ZDHHC11B: variants seen among roughly 807,000 people sequenced by gnomAD.
ZDHHC11B encodes probable palmitoyltransferase ZDHHC11B.
In ZDHHC11B, 17 loss-of-function variants were observed where a neutral mutation model predicts 42.3. That is an observed-to-expected ratio of 0.40 (90% CI 0.27 to 0.60). The LOEUF (loss-of-function observed/expected upper bound fraction) is 0.60. Ranked by LOEUF, ZDHHC11B falls within the 20% of genes least tolerant of loss-of-function variation. ZDHHC11B has a pLI of 0.41. For missense variants in ZDHHC11B, 262 were observed against 463.2 expected (o/e 0.57, Z 3.99); for synonymous variants, 123 against 193.5 (o/e 0.64, Z 3.02).
chr5:749,648 C>T lies in ZDHHC11B; in HGVS notation c.629-1089G>A, dbSNP rs1289734079. On this transcript the variant is annotated intron_variant, in intron 7 of 13. Coordinates refer to ENST00000508859, the MANE Select transcript of ZDHHC11B (RefSeq NM_001351303.2). ...ATCTGGAACAGCAAACGGAGGAATT[C>T]GCTCAGGCCACAATCAATGAACTCA... is the stretch of plus-strand genomic sequence containing the variant. Among the ~76,000 whole-genome samples the T allele has an allele frequency of 6.2e-5, 8 of 129,988 alleles. 1 individual carries two copies. The highest frequency in any genetic ancestry group is 1.0e-4 in the Non-Finnish European group (6 of 58,470). 85.3% of individuals were successfully genotyped at this position (129,988 alleles called of 152,430 possible).
chr5:773,041 C>A (rs1423630797), intron 1 of ZDHHC11B, among the ~76,000 whole-genome samples: 8 of 151,986 alleles, frequency 5.3e-5, no homozygotes, highest in African/African-American at 1.9e-4. Flanking sequence ...GCCACACACA[C>A]AGATCAGGAG....
intron 9 of ZDHHC11B, among the ~76,000 whole-genome samples, chr5:742,983 C>T (rs1288033185): frequency 6.7e-6 from 1 of 149,764 alleles, no homozygotes; most frequent in Non-Finnish European, 1.5e-5. Context: ...GTTTAGGTGT[C>T]AGATGGATTT....
Position 775,288 on chromosome 5 carries a change from C to T in ZDHHC11B, c.-229-6358G>A, listed in dbSNP as rs1736381293. On this transcript the variant is annotated intron_variant, in intron 1 of 13. Transcript: ENST00000508859. Reference sequence around the variant, plus strand: ...TGCACCCGCTGACCCCCAGAGCTCGCTCCCAGGCAGGTGCCCATGGTGGGA... The same window carrying T: ...TGCACCCGCTGACCCCCAGAGCTCGTTCCCAGGCAGGTGCCCATGGTGGGA... 1.3e-5 allele frequency among the ~76,000 whole-genome samples: 2 copies of T among 151,946 alleles called. 1 individual carries two copies. Among genetic ancestry groups the T allele is most frequent in the Admixed American group, 1.3e-4 (2 of 15,234 alleles).
At chr5:736,608 T>G (rs1743548130) in intron 10 of ZDHHC11B, among the ~76,000 whole-genome samples, 1 of 144,190 alleles carries the variant, frequency 6.9e-6, no homozygotes, top group Non-Finnish European at 1.5e-5. Flanking sequence ...AAGTCAGAAT[T>G]ACATCAAGTA....
intron 10 of ZDHHC11B, among the ~76,000 whole-genome samples, chr5:739,205 C>A (rs1311005396): frequency 6.6e-6 from 1 of 150,734 alleles, no homozygotes; most frequent in East Asian, 2.0e-4. Flanking sequence ...TCAAGACCAG[C>A]CTGGCCAACA....
intron 1 of ZDHHC11B, among the ~76,000 whole-genome samples, chr5:783,544 A>C (rs1737013076): frequency 6.6e-6 from 1 of 152,264 alleles, no homozygotes; most frequent in African/African-American, 2.4e-5. Context: ...GGGGCCCTGC[A>C]CGCAGAAGAG....
At chr5:716,048 T>A (rs1211842138) in intron 13 of ZDHHC11B, among the ~76,000 whole-genome samples, 2 of 150,548 alleles carry the variant, frequency 1.3e-5, no homozygotes, top group Non-Finnish European at 3.0e-5. Context: ...AGAAGGCAGG[T>A]ACTGAACGGT....
chr5:757,831 G>A (rs1350746090), intron 4 of ZDHHC11B, among the ~76,000 whole-genome samples: 1 of 151,850 alleles, frequency 6.6e-6, no homozygotes, highest in African/African-American at 2.4e-5. Context: ...CCGGGGTGTG[G>A]TGGGAGCTAG....
rs1358931515 is a variant in ZDHHC11B at position 736,273 on chromosome 5, A to T, written c.936-2434T>A. 2.0e-5 allele frequency among the ~76,000 whole-genome samples: 3 copies of T among 149,984 alleles called. 1 individual carries two copies. The highest frequency in any genetic ancestry group is 4.1e-4 in the East Asian group (2 of 4,926). On this transcript the variant is annotated intron_variant, in intron 10 of 13. Transcript: ENST00000508859. ...ATCACTCCAAAAGGAAAAATATCAC[A>T]ATCCTAACTATATATGCACCTAACG...
At chr5:734,067 G>C (rs1743316929) in intron 10 of ZDHHC11B, among the ~76,000 whole-genome samples, 1 of 144,598 alleles carries the variant, frequency 6.9e-6, no homozygotes, top group African/African-American at 2.7e-5. Context: ...TTTGCCACTG[G>C]GACAATGCAA....
intron 1 of ZDHHC11B, among the ~76,000 whole-genome samples, chr5:770,618 C>T (rs1439190800): frequency 6.6e-6 from 1 of 152,028 alleles, no homozygotes; most frequent in African/African-American, 2.4e-5. Context: ...CCACAGCAGT[C>T]GTGCGACAGC....
In ZDHHC11B at chr5:711,393, T is replaced by G. The variant is rs1429922957; in HGVS notation, c.*897A>C. Reference sequence around the variant, plus strand: ...AGTGCTGTGAGCTCCCATTTCCTAGTACTGTGCTCCCATTTCCCAGTGCTG... The same window carrying G: ...AGTGCTGTGAGCTCCCATTTCCTAGGACTGTGCTCCCATTTCCCAGTGCTG... On this transcript the variant is annotated 3_prime_UTR_variant, in exon 14 of 14. Coordinates refer to ENST00000508859, the MANE Select transcript of ZDHHC11B (RefSeq NM_001351303.2). 1 of 146,666 alleles carries G rather than the reference T, an allele frequency of 6.8e-6. No individual in the cohort carries two copies. Among genetic ancestry groups the G allele is most frequent in the East Asian group, 2.2e-4 (1 of 4,512 alleles). 9.1% of individuals were successfully genotyped at this position (146,666 alleles called of 1,614,324 possible).
At chr5:715,141 T>G (rs1741655355) in intron 13 of ZDHHC11B, among the ~76,000 whole-genome samples, 2 of 150,644 alleles carry the variant, frequency 1.3e-5, no homozygotes. Flanking sequence ...CAGGCTCAAG[T>G]GTTTCTTTGT....
chr5:756,452 GCA>G, intron 4 of ZDHHC11B, among the ~76,000 whole-genome samples: 1 of 151,894 alleles, frequency 6.6e-6, no homozygotes, highest in South Asian at 2.1e-4. Flanking sequence ...CATCGGCCCT[GCA>G]CACACAGCCC....
At chr5:770,685 G>A (rs1420229883) in intron 1 of ZDHHC11B, among the ~76,000 whole-genome samples, 1 of 152,034 alleles carries the variant, frequency 6.6e-6, no homozygotes, top group Non-Finnish European at 1.5e-5. Flanking sequence ...GCTGGGGAGG[G>A]TGTGTGGTGG....
intron 13 of ZDHHC11B, among the ~76,000 whole-genome samples, chr5:713,357 A>G (rs1327942230): frequency 2.0e-5 from 3 of 152,024 alleles, no homozygotes; most frequent in Non-Finnish European, 2.9e-5. Flanking sequence ...TTTAAAAAAT[A>G]GTTTTCTGTT....
At chr5:759,276 A>AC (rs1348538613) in intron 4 of ZDHHC11B, among the ~76,000 whole-genome samples, 1 of 151,846 alleles carries the variant, frequency 6.6e-6, no homozygotes, top group Non-Finnish European at 1.5e-5. Flanking sequence ...CTTTGTTAAC[A>AC]CTGCTAACCT....
chr5:751,383 ACAGCGGCAG>A (rs1745652135), intron 6 of ZDHHC11B, 126 bp from the exon 7 acceptor site: 2 of 133,736 alleles, frequency 1.5e-5, no homozygotes, highest in African/African-American at 5.7e-5. Context: ...CGTGGGGGGC[ACAGCGGCAG>A]GGGGCACGCA....
chr5:757,282 GTC>G (rs1733992507), intron 4 of ZDHHC11B, among the ~76,000 whole-genome samples: 3 of 152,002 alleles, frequency 2.0e-5, no homozygotes, highest in Admixed American at 6.6e-5. Flanking sequence ...GCCGGCCTGT[GTC>G]GCACAGCGCT....
Sources: allele counts gnomAD v4.1 joint callset (sites outside exome capture counted in the v4.1 genomes callset), GRCh38; gene constraint gnomAD v4.1.1; transcripts MANE v1.5; gene names NCBI Gene and HGNC (gene_info 2026-07-23, HGNC 2026-07-21).